Variants in SLIT3 observed in about 807,000 individuals in gnomAD.
SLIT3 encodes slit homolog 3 protein.
In SLIT3, 68 loss-of-function variants were observed where a neutral mutation model predicts 184.0. That is an observed-to-expected ratio of 0.37 (90% confidence interval 0.30 to 0.45). SLIT3 has a LOEUF of 0.45. Ranked by LOEUF, SLIT3 falls within the 20% of genes least tolerant of loss-of-function variation. The probability of loss-of-function intolerance (pLI) is 1.00; values close to 1 mark genes in which losing one functional copy is unlikely to be tolerated. For synonymous variants in SLIT3, 831 were observed against 828.6 expected, an observed-to-expected ratio of 1.00 and a Z score of -0.05; for missense variants, 1,707 against 2,026.0, an observed-to-expected ratio of 0.84 and a Z score of 3.02.
intron 4 of SLIT3, among the ~76,000 whole-genome samples, chr5:169,084,963 C>G (rs991528592): frequency 1.3e-5 from 2 of 152,180 alleles, no homozygotes; most frequent in African/African-American, 2.4e-5. Context: ...CCCGTGTCTC[C>G]CAGCAGGAGT....
At chr5:168,913,741 C>CA (rs67241643) in intron 4 of SLIT3, among the ~76,000 whole-genome samples, 36,286 of 130,062 alleles carry the variant, frequency 0.28, 5,290 homozygotes, top group East Asian at 0.45. Flanking sequence ...AACTCCGTCT[C>CA]AAAAAAAAAA....
chr5:168,833,598 T>A (rs1293942653), intron 6 of SLIT3, among the ~76,000 whole-genome samples: 2 of 152,234 alleles, frequency 1.3e-5, no homozygotes, highest in Non-Finnish European at 2.9e-5. Flanking sequence ...TCATGCTGAA[T>A]GCAAAACGTT....
intron 24 of SLIT3, 25 bp downstream of exon 24, chr5:168,712,258 A>G (rs1321580020): frequency 1.3e-6 from 2 of 1,599,290 alleles, no homozygotes; most frequent in Non-Finnish European, 8.6e-7. Flanking sequence ...TTGAATGTTC[A>G]TTGGGGAGAA....
chr5:169,187,305 G>T (rs1304845572), intron 4 of SLIT3, among the ~76,000 whole-genome samples: 1 of 151,690 alleles, frequency 6.6e-6, no homozygotes, highest in Non-Finnish European at 1.5e-5. Flanking sequence ...TAGAGACAGG[G>T]TTTCACCATG....
intron 4 of SLIT3, among the ~76,000 whole-genome samples, chr5:169,123,959 G>T (rs1339039882): frequency 6.6e-6 from 1 of 152,180 alleles, no homozygotes; most frequent in East Asian, 1.9e-4. Flanking sequence ...AGCTTCGCCA[G>T]AGAGCCCTTC....
intron 4 of SLIT3, among the ~76,000 whole-genome samples, chr5:168,922,289 CT>C (rs755586993): frequency 6.6e-6 from 1 of 151,790 alleles, no homozygotes; most frequent in East Asian, 1.9e-4. Context: ...AACCCTGTCT[CT>C]CTTAAAAATA....
chr5:169,128,261 T>C (rs992936831), intron 4 of SLIT3, among the ~76,000 whole-genome samples: 1 of 146,608 alleles, frequency 6.8e-6, no homozygotes, highest in African/African-American at 2.5e-5. Context: ...TATATATATA[T>C]ACATATATAT....
At chr5:168,834,740 G>A (rs1757990721) in intron 6 of SLIT3, among the ~76,000 whole-genome samples, 1 of 147,502 alleles carries the variant, frequency 6.8e-6, no homozygotes, top group African/African-American at 2.5e-5. Context: ...GAGGTGGAAG[G>A]TGAGGGGAGT....
At chr5:169,089,309 C>G (rs967073579) in intron 4 of SLIT3, among the ~76,000 whole-genome samples, 9 of 152,114 alleles carry the variant, frequency 5.9e-5, no homozygotes, top group African/African-American at 2.2e-4. Flanking sequence ...CTAGAAACCT[C>G]TTCCTGAGAG....
rs182995216 is a variant in SLIT3 at position 168,713,882 on chromosome 5, C to T, written c.2484-1528G>A. Among the ~76,000 whole-genome samples the T allele has an allele frequency of 1.8e-4, 27 of 152,322 alleles. No individual in the cohort carries two copies. In the East Asian group the frequency reaches 3.5e-3, roughly 20 times the overall value. The stretch of plus-strand genomic sequence containing the variant: ...CTGACAAACTCTGAGGTGATGCTGA[C>T]GCCAGTAGCAAGGGTTTAGAAAGGT... On this transcript the variant is annotated intron_variant, in intron 23 of 35. Transcript: ENST00000519560.
intron 8 of SLIT3, among the ~76,000 whole-genome samples, chr5:168,813,424 C>T (rs1757232183): frequency 1.3e-5 from 2 of 152,108 alleles, no homozygotes; most frequent in South Asian, 4.2e-4. Flanking sequence ...CCACAAGCAA[C>T]CAGACACTTC....
chr5:168,979,045 C>A (rs1754862558), intron 4 of SLIT3, among the ~76,000 whole-genome samples: 1 of 152,098 alleles, frequency 6.6e-6, no homozygotes, highest in African/African-American at 2.4e-5. Context: ...GAGGTTGGGG[C>A]AATTGTCCTT....
intron 23 of SLIT3, among the ~76,000 whole-genome samples, chr5:168,714,761 C>T (rs1462965995): frequency 2.0e-5 from 3 of 152,170 alleles, no homozygotes; most frequent in East Asian, 1.9e-4. Flanking sequence ...GTGCTCCTTC[C>T]CCTTTCTCCT....
chr5:169,190,294 TTTTG>T (rs1383637826), intron 4 of SLIT3, among the ~76,000 whole-genome samples: 3 of 152,340 alleles, frequency 2.0e-5, no homozygotes, highest in Middle Eastern at 3.4e-3. Context: ...ATTTTGAGTC[TTTTG>T]CATTAGCTCA....
intron 2 of SLIT3, among the ~76,000 whole-genome samples, chr5:169,248,907 G>A (rs1403598302): frequency 6.6e-6 from 1 of 152,114 alleles, no homozygotes; most frequent in Non-Finnish European, 1.5e-5. Flanking sequence ...ATTGCCCTGG[G>A]TTGAGACTGA....
intron 4 of SLIT3, among the ~76,000 whole-genome samples, chr5:169,164,627 C>A (rs1278670517): frequency 6.6e-6 from 1 of 152,172 alleles, no homozygotes; most frequent in Non-Finnish European, 1.5e-5. Flanking sequence ...CCCTCCAGGC[C>A]CTGGCAGTTG....
At chr5:169,157,563 C>A (rs1762350067) in intron 4 of SLIT3, among the ~76,000 whole-genome samples, 1 of 152,132 alleles carries the variant, frequency 6.6e-6, no homozygotes, top group Non-Finnish European at 1.5e-5. Flanking sequence ...CTCCCCTTCC[C>A]ATGTCAGAGC....
intron 25 of SLIT3, among the ~76,000 whole-genome samples, chr5:168,709,287 G>A (rs1173881823): frequency 6.6e-6 from 1 of 152,022 alleles, no homozygotes; most frequent in African/African-American, 2.4e-5. Context: ...GTAGAGATGG[G>A]GTTTCCCCTT....
chr5:168,798,220 CTTCTT>C (rs1371096462), intron 9 of SLIT3, among the ~76,000 whole-genome samples: 14 of 112,262 alleles, frequency 1.2e-4, no homozygotes, highest in African/African-American at 5.4e-4. Flanking sequence ...TCTTCTTCTT[CTTCTT>C]TTTTTTTTTT....
Sources: gnomAD v4.1 joint callset for allele counts (sites outside exome capture counted in the v4.1 genomes callset) on GRCh38, gnomAD v4.1.1 for gene constraint, MANE v1.5 for transcripts, NCBI Gene and HGNC (gene_info 2026-07-23, HGNC 2026-07-21) for gene names.